The following ADK variants were observed in gnomAD, a reference collection of about 807,000 sequenced individuals.
ADK encodes adenosine kinase.
Under a neutral mutation model 44.7 loss-of-function variants are expected in ADK, and 24 were observed. That is an observed-to-expected ratio of 0.54 (90% CI 0.39 to 0.76). The LOEUF is 0.76. ADK is among the 30% of genes least tolerant of loss of function. The pLI is 0.00. For synonymous variants in ADK, 128 were observed against 142.6 expected (o/e 0.90, Z 0.73); for missense variants, 321 against 425.1 (o/e 0.76, Z 2.15).
intron 6 of ADK, among the ~76,000 whole-genome samples, chr10:74,458,774 G>T (rs1206024604): frequency 6.6e-6 from 1 of 152,036 alleles, no homozygotes; most frequent in African/African-American, 2.4e-5. Context: ...TTCTGAAATA[G>T]TACTAATCTG....
At chr10:74,191,639 A>G (rs990737203) in intron 1 of ADK, among the ~76,000 whole-genome samples, 4 of 152,168 alleles carry the variant, frequency 2.6e-5, no homozygotes, top group Non-Finnish European at 5.9e-5. Flanking sequence ...AATAGTACAG[A>G]AAGTTCCTGT....
At chr10:74,656,704 C>T (rs1854499931) in intron 9 of ADK, among the ~76,000 whole-genome samples, 1 of 152,156 alleles carries the variant, frequency 6.6e-6, no homozygotes, top group South Asian at 2.1e-4. Context: ...ACAGGGTTGA[C>T]GTGAGGATTA....
At chr10:74,460,829 C>G (rs972997738) in intron 6 of ADK, among the ~76,000 whole-genome samples, 5 of 152,212 alleles carry the variant, frequency 3.3e-5, no homozygotes, top group Non-Finnish European at 7.4e-5. Context: ...TCATGAATTA[C>G]AAATAGCTTA....
intron 3 of ADK, among the ~76,000 whole-genome samples, chr10:74,306,572 A>T (rs1031182500): frequency 2.0e-5 from 3 of 152,162 alleles, no homozygotes; most frequent in African/African-American, 7.2e-5. Flanking sequence ...TTATTTACCA[A>T]CACTTTATAT....
intron 6 of ADK, chr10:74,509,519 A>G (rs1398137485): frequency 1.3e-5 from 2 of 152,350 alleles, no homozygotes; most frequent in East Asian, 1.9e-4. Flanking sequence ...CCTGTAATGT[A>G]TAGTAATCAG....
chr10:74,260,510 G>T (rs184273948), intron 3 of ADK, among the ~76,000 whole-genome samples: 1 of 152,198 alleles, frequency 6.6e-6, no homozygotes, highest in Admixed American at 6.5e-5. Context: ...TGATCCTCCT[G>T]CCTTGGCCTG....
At chr10:74,235,551 A>G (rs919622362) in intron 3 of ADK, among the ~76,000 whole-genome samples, 1 of 152,020 alleles carries the variant, frequency 6.6e-6, no homozygotes, top group Non-Finnish European at 1.5e-5. Context: ...TGGTCTGCCT[A>G]CCTCAGCCTC....
At chr10:74,634,659 A>C (rs1853562349) in intron 9 of ADK, among the ~76,000 whole-genome samples, 1 of 151,768 alleles carries the variant, frequency 6.6e-6, no homozygotes, top group Admixed American at 6.6e-5. Context: ...AAAACAATGA[A>C]CATGGCCGGG....
chr10:74,318,853 T>C (rs943936894), intron 4 of ADK, among the ~76,000 whole-genome samples: 6 of 152,350 alleles, frequency 3.9e-5, no homozygotes, highest in Middle Eastern at 3.4e-3. Context: ...ACACCTATTA[T>C]TGATAGTAAT....
At chr10:74,677,675 G>T (rs1427160793) in intron 10 of ADK, among the ~76,000 whole-genome samples, 1 of 152,054 alleles carries the variant, frequency 6.6e-6, no homozygotes, top group Non-Finnish European at 1.5e-5. Flanking sequence ...TTTACTTGAT[G>T]GTGACCAAGA....
At chr10:74,677,707 C>T (rs1855442392) in intron 10 of ADK, among the ~76,000 whole-genome samples, 1 of 152,140 alleles carries the variant, frequency 6.6e-6, no homozygotes, top group African/African-American at 2.4e-5. Flanking sequence ...CACTGCTAAA[C>T]AACCCAATGT....
At chr10:74,433,886 C>CTT (rs778520889) in intron 6 of ADK, among the ~76,000 whole-genome samples, 1 of 151,976 alleles carries the variant, frequency 6.6e-6, no homozygotes, top group African/African-American at 2.4e-5. Context: ...GACCATGTGT[C>CTT]TTTAAATTGG....
Position 74,440,779 on chromosome 10 carries a change from A to G in ADK, c.555+42200A>G, listed in dbSNP as rs551945447. 2.6e-5 allele frequency among the ~76,000 whole-genome samples: 4 copies of G among 152,260 alleles called. No homozygotes were observed. In the South Asian group the frequency reaches 8.3e-4, roughly 32 times the overall value. ...TTATCATTTTTCCAAAGAGGGTTGA[A>G]TAGTATTCTTCCATTGTATATCTTA... On this transcript the variant is annotated intron_variant, in intron 6 of 10. Coordinates refer to ENST00000539909, the MANE Select transcript of ADK (RefSeq NM_006721.4).
chr10:74,218,542 G>A (rs944389173), intron 2 of ADK, among the ~76,000 whole-genome samples: 40 of 152,214 alleles, frequency 2.6e-4, no homozygotes, highest in Middle Eastern at 3.4e-3. Flanking sequence ...TCCTTGAGAA[G>A]ACCAACACCA....
At chr10:74,169,070 T>C (rs1842101183) in intron 1 of ADK, among the ~76,000 whole-genome samples, 2 of 151,990 alleles carry the variant, frequency 1.3e-5, no homozygotes, top group Admixed American at 6.6e-5. Context: ...TACCAAAAAA[T>C]TAGCTGGGCA....
At chr10:74,672,669 T>C (rs140659518) in intron 10 of ADK, among the ~76,000 whole-genome samples, 95 of 152,324 alleles carry the variant, frequency 6.2e-4, no homozygotes, top group African/African-American at 2.2e-3. Flanking sequence ...AATACTTATG[T>C]TGCCATCTTT....
chr10:74,418,359 A>AT lies in ADK; in HGVS notation c.555+19789dup, dbSNP rs1049145354. 6.7e-4 allele frequency among the ~76,000 whole-genome samples: 101 copies of AT among 151,562 alleles called. 1 individual carries two copies. Among genetic ancestry groups the AT allele is most frequent in the African/African-American group, 9.4e-4 (39 of 41,336 alleles). On this transcript the variant is annotated intron_variant, in intron 6 of 10. Coordinates refer to ENST00000539909, the MANE Select transcript of ADK (RefSeq NM_006721.4). ...CAGTCATTGCACCCTGTATCATGTG[A>AT]TTTTTTTTTCCAGTGGAATACATTA...
chr10:74,454,220 T>C (rs16931449), intron 6 of ADK, among the ~76,000 whole-genome samples: 4,833 of 152,246 alleles, frequency 0.032, 221 homozygotes, highest in African/African-American at 0.097. Context: ...GTTGGTGGCA[T>C]ACTTTGTTAC....
intron 6 of ADK, chr10:74,423,843 G>T: frequency 3.5e-6 from 1 of 287,690 alleles, no homozygotes. Flanking sequence ...TGACTATTGT[G>T]TCGTCTAAGC....
Sources: gnomAD v4.1 joint callset for allele counts (sites outside exome capture counted in the v4.1 genomes callset) on GRCh38, gnomAD v4.1.1 for gene constraint, MANE v1.5 for transcripts, NCBI Gene and HGNC (gene_info 2026-07-23, HGNC 2026-07-21) for gene names.